The following VAV3 variants were observed in gnomAD, a reference collection of about 807,000 sequenced individuals.
VAV3 encodes guanine nucleotide exchange factor VAV3.
Under a neutral mutation model 131.2 loss-of-function variants are expected in VAV3, and 94 were observed. That is an observed-to-expected ratio of 0.72 (90% CI 0.61 to 0.85). VAV3 has a LOEUF of 0.85. Among genes scored for constraint, VAV3 ranks in the 40% least tolerant of loss-of-function variants. The pLI is 0.00. For missense variants in VAV3, 939 were observed against 1,002.7 expected (o/e 0.94, Z 0.86); for synonymous variants, 349 against 342.0 (o/e 1.02, Z -0.22).
intron 4 of VAV3, among the ~76,000 whole-genome samples, chr1:107,775,617 G>T (rs867709154): frequency 1.4e-5 from 2 of 145,030 alleles, no homozygotes; most frequent in African/African-American, 5.0e-5. Context: ...ATAGCATCAC[G>T]GCACTAGAAA....
At chr1:107,693,524 G>A (rs1450155700) in intron 17 of VAV3, among the ~76,000 whole-genome samples, 1 of 151,932 alleles carries the variant, frequency 6.6e-6, no homozygotes, top group Non-Finnish European at 1.5e-5. Flanking sequence ...TTAATATAAG[G>A]GATATAGAGC....
intron 2 of VAV3, among the ~76,000 whole-genome samples, chr1:107,796,937 C>CAATCAAGTTTGTTTTGGTTCT (rs1666579671): frequency 7.5e-6 from 1 of 133,792 alleles, no homozygotes; most frequent in Non-Finnish European, 1.7e-5. Flanking sequence ...TAGTTTAATT[C>CAATCAAGTTTGTTTTGGTTCT]AATCAAGTTT....
intron 15 of VAV3, among the ~76,000 whole-genome samples, chr1:107,721,177 G>A (rs556797157): frequency 4.5e-4 from 69 of 152,304 alleles, no homozygotes; most frequent in Middle Eastern, 3.4e-3. Context: ...ATGAGAAAAC[G>A]TGAAGTTAAC....
intron 4 of VAV3, among the ~76,000 whole-genome samples, chr1:107,776,034 T>C (rs1442605121): frequency 6.6e-6 from 1 of 152,210 alleles, no homozygotes; most frequent in East Asian, 1.9e-4. Context: ...CTTTTCAAAA[T>C]TCAGTTTTCT....
intron 2 of VAV3, among the ~76,000 whole-genome samples, chr1:107,848,627 G>A (rs907803806): frequency 1.3e-5 from 2 of 152,074 alleles, no homozygotes; most frequent in Non-Finnish European, 2.9e-5. Context: ...ATACTGAATG[G>A]GCAAAACCTG....
intron 19 of VAV3, among the ~76,000 whole-genome samples, chr1:107,672,688 C>T (rs17019693): frequency 0.18 from 27,159 of 151,876 alleles, 2,557 homozygotes; most frequent in South Asian, 0.27. Context: ...TAGAAAAGCA[C>T]CAAATCTTGA....
In VAV3 at chr1:107,615,414, G is replaced by A. The variant is rs542889324; in HGVS notation, c.1980+2153C>T. Among the ~76,000 whole-genome samples the A allele has an allele frequency of 4.6e-5, 7 of 152,198 alleles. No homozygotes were observed. The South Asian group carries it at 1.4e-3, about 32-fold the overall frequency. Reference sequence around the variant, plus strand: ...TGGCTAGCCATATGCAGGACTGAAGGTGAACCCCTTCCTTATATGATATAC... The same window carrying A: ...TGGCTAGCCATATGCAGGACTGAAGATGAACCCCTTCCTTATATGATATAC... On this transcript the variant is annotated intron_variant, in intron 21 of 26. Transcript: ENST00000370056.
At chr1:107,717,555 A>G (rs1661185844) in intron 15 of VAV3, among the ~76,000 whole-genome samples, 1 of 152,164 alleles carries the variant, frequency 6.6e-6, no homozygotes, top group South Asian at 2.1e-4. Flanking sequence ...GTTTTGAGTG[A>G]GTTTCTTAAT....
chr1:107,811,281 C>G (rs775239663), intron 2 of VAV3, among the ~76,000 whole-genome samples: 18 of 152,182 alleles, frequency 1.2e-4, no homozygotes, highest in Non-Finnish European at 2.5e-4. Flanking sequence ...ATGCTTTACA[C>G]TCACAGATGA....
intron 15 of VAV3, among the ~76,000 whole-genome samples, chr1:107,746,648 G>C (rs769539707): frequency 6.6e-6 from 1 of 152,208 alleles, no homozygotes; most frequent in Admixed American, 6.5e-5. Context: ...TAGAATAAAG[G>C]TTTTATTTGC....
At chr1:107,767,142 C>A (rs1320834573) in intron 7 of VAV3, among the ~76,000 whole-genome samples, 1 of 152,152 alleles carries the variant, frequency 6.6e-6, no homozygotes, top group Admixed American at 6.5e-5. Flanking sequence ...TAACAATAAT[C>A]AGACTAAATT....
chr1:107,667,310 T>C (rs571313659), intron 19 of VAV3, among the ~76,000 whole-genome samples: 12 of 152,226 alleles, frequency 7.9e-5, no homozygotes, highest in African/African-American at 2.4e-4. Flanking sequence ...TAACAAAGGA[T>C]GGACTAGGGT....
chr1:107,592,563 G>C (rs1429903900), intron 25 of VAV3, among the ~76,000 whole-genome samples: 1 of 152,068 alleles, frequency 6.6e-6, no homozygotes, highest in Admixed American at 6.6e-5. Flanking sequence ...TTTAAGGTCT[G>C]CTTATGGGTC....
intron 2 of VAV3, among the ~76,000 whole-genome samples, chr1:107,854,656 T>C (rs1452100161): frequency 6.6e-6 from 1 of 152,226 alleles, no homozygotes; most frequent in Non-Finnish European, 1.5e-5. Context: ...GACATTTCTC[T>C]GCAATTTTCC....
Position 107,740,610 on chromosome 1 carries a change from GA to G in VAV3, c.1502+8357del, listed in dbSNP as rs1038771980. ...GGAATCACTGATACTAAAAATAAAA[GA>G]AAAAAAAAATCACACTTCTACAAAA... is the stretch of plus-strand genomic sequence containing the variant. On this transcript the variant is annotated intron_variant, in intron 15 of 26. Transcript: ENST00000370056. 6.6e-4 allele frequency among the ~76,000 whole-genome samples: 98 copies of G among 147,948 alleles called. No homozygotes were observed. The East Asian group carries it at 8.2e-3, about 12-fold the overall frequency.
intron 3 of VAV3, among the ~76,000 whole-genome samples, chr1:107,779,081 A>G (rs1665534676): frequency 6.6e-6 from 1 of 152,168 alleles, no homozygotes. Flanking sequence ...GGAAATAAAC[A>G]TATTACAACA....
chr1:107,941,990 C>G, intron 1 of VAV3, among the ~76,000 whole-genome samples: 1 of 152,104 alleles, frequency 6.6e-6, no homozygotes, highest in South Asian at 2.1e-4. Flanking sequence ...ACTGTCTCCT[C>G]CTAGAATACC....
At chr1:107,691,923 T>C (rs1659452396) in intron 17 of VAV3, among the ~76,000 whole-genome samples, 1 of 152,150 alleles carries the variant, frequency 6.6e-6, no homozygotes, top group Non-Finnish European at 1.5e-5. Context: ...ATTTAAATAA[T>C]TTTTACTTGT....
At chr1:107,660,435 A>C (rs776314163) in intron 19 of VAV3, among the ~76,000 whole-genome samples, 14 of 152,224 alleles carry the variant, frequency 9.2e-5, no homozygotes, top group Non-Finnish European at 1.6e-4. Context: ...CTCATGTGGC[A>C]GCTCCTATAG....
Sources: allele counts gnomAD v4.1 joint callset (sites outside exome capture counted in the v4.1 genomes callset), GRCh38; gene constraint gnomAD v4.1.1; transcripts MANE v1.5; gene names NCBI Gene and HGNC (gene_info 2026-07-23, HGNC 2026-07-21).